ZZZ3: variants seen among roughly 807,000 people sequenced by gnomAD.
ZZZ3 encodes ZZ-type zinc finger-containing protein 3.
In ZZZ3, 22 loss-of-function variants were observed where a neutral mutation model predicts 95.2. That is an observed-to-expected ratio of 0.23 (90% CI 0.17 to 0.33). The LOEUF (loss-of-function observed/expected upper bound fraction) is 0.33, where lower values mean the gene tolerates loss of function less well. ZZZ3 is among the 10% of genes least tolerant of loss of function. The pLI, the probability that ZZZ3 is intolerant of heterozygous loss-of-function variation, is 1.00. For synonymous variants in ZZZ3, 335 were observed against 358.9 expected (o/e 0.93, Z 0.75); for missense variants, 885 against 1,066.5 (o/e 0.83, Z 2.37).
chr1:77,674,951 C>CA (rs538347422), intron 1 of ZZZ3, among the ~76,000 whole-genome samples: 7,203 of 73,352 alleles, frequency 0.098, 202 homozygotes, highest in Middle Eastern at 0.24. Flanking sequence ...GACTCGGTCT[C>CA]AAAAAAAAAA....
chr1:77,608,230 C>A (rs1354360445), intron 5 of ZZZ3, among the ~76,000 whole-genome samples: 4 of 152,072 alleles, frequency 2.6e-5, no homozygotes, highest in African/African-American at 9.7e-5. Flanking sequence ...TCCCAAAGGT[C>A]AAGGATAAAG....
chr1:77,588,321 C>T (rs1003480752), intron 5 of ZZZ3, among the ~76,000 whole-genome samples: 3 of 152,054 alleles, frequency 2.0e-5, no homozygotes, highest in Admixed American at 2.0e-4. Context: ...AGTAACTCCC[C>T]AAGATCATAC....
chr1:77,654,873 T>C (rs1670131657), intron 1 of ZZZ3, among the ~76,000 whole-genome samples: 1 of 152,190 alleles, frequency 6.6e-6, no homozygotes, highest in South Asian at 2.1e-4. Flanking sequence ...GGTCTCGAAC[T>C]CCTGTACTCA....
chr1:77,675,368 G>A (rs550184043), intron 1 of ZZZ3, among the ~76,000 whole-genome samples: 1 of 151,978 alleles, frequency 6.6e-6, no homozygotes, highest in South Asian at 2.1e-4. Context: ...AGTAAGGAGG[G>A]TAAATAGTGC....
intron 5 of ZZZ3, among the ~76,000 whole-genome samples, chr1:77,588,522 A>G (rs780246726): frequency 2.7e-4 from 41 of 152,314 alleles, no homozygotes; most frequent in Non-Finnish European, 4.6e-4. Context: ...TGATAAAGAC[A>G]CAATATGAAG....
chr1:77,633,686 G>C (rs1668034720), intron 4 of ZZZ3, among the ~76,000 whole-genome samples: 1 of 151,986 alleles, frequency 6.6e-6, no homozygotes, highest in South Asian at 2.1e-4. Flanking sequence ...ACTCAGATAG[G>C]TGCTACTATC....
At chr1:77,646,273 G>A (rs556280137) in intron 1 of ZZZ3, among the ~76,000 whole-genome samples, 28 of 151,754 alleles carry the variant, frequency 1.8e-4, no homozygotes, top group African/African-American at 3.6e-4. Context: ...AGGCTGGAGC[G>A]TAGTGGCTCA....
intron 12 of ZZZ3, among the ~76,000 whole-genome samples, chr1:77,574,772 A>T (rs571165460): frequency 6.6e-6 from 1 of 152,368 alleles, no homozygotes; most frequent in South Asian, 2.1e-4. Flanking sequence ...AGGCAGTAAC[A>T]TCAATGAATT....
intron 5 of ZZZ3, among the ~76,000 whole-genome samples, chr1:77,596,982 C>T (rs867208000): frequency 1.3e-5 from 2 of 152,024 alleles, no homozygotes; most frequent in African/African-American, 2.4e-5. Context: ...ATAAAAGCAA[C>T]AATAAACACA....
chr1:77,573,021 T>G (rs774080906), intron 12 of ZZZ3, among the ~76,000 whole-genome samples: 4 of 152,128 alleles, frequency 2.6e-5, no homozygotes, highest in African/African-American at 4.8e-5. Flanking sequence ...AGTACCATCT[T>G]CACTGTCACC....
At chr1:77,656,649 C>A (rs765429565) in intron 1 of ZZZ3, among the ~76,000 whole-genome samples, 2 of 152,150 alleles carry the variant, frequency 1.3e-5, no homozygotes, top group African/African-American at 4.8e-5. Context: ...GCTCTAAATT[C>A]TTGAATTTGT....
intron 1 of ZZZ3, among the ~76,000 whole-genome samples, chr1:77,653,137 C>T (rs2100974862): frequency 6.6e-6 from 1 of 151,982 alleles, no homozygotes; most frequent in East Asian, 1.9e-4. Flanking sequence ...CAGTGAGCCA[C>T]GATTGTGCCA....
chr1:77,683,040 C>A (rs1218485036), upstream of ZZZ3, among the ~76,000 whole-genome samples: 2 of 146,098 alleles, frequency 1.4e-5, no homozygotes, highest in Admixed American at 6.7e-5. Flanking sequence ...CCCCGCCCCC[C>A]CTTTCGCCCG....
chr1:77,670,479 G>A (rs972241743), intron 1 of ZZZ3, among the ~76,000 whole-genome samples: 1 of 151,900 alleles, frequency 6.6e-6, no homozygotes. Context: ...GGCTGGTCTC[G>A]AACTCCTGAC....
Position 77,660,903 on chromosome 1 carries a change from C to A in ZZZ3, c.-402-19248G>T, listed in dbSNP as rs375833043. On this transcript the variant is annotated intron_variant, in intron 1 of 14. Transcript: ENST00000370801. Reference sequence around the variant, plus strand: ...CAGAAATAGTTGATCTAAAAAGAATCACACATTTATGAACACACAATAAAC... The same window carrying A: ...CAGAAATAGTTGATCTAAAAAGAATAACACATTTATGAACACACAATAAAC... 2.1e-4 allele frequency among the ~76,000 whole-genome samples: 32 copies of A among 152,238 alleles called. No individual in the cohort carries two copies. The East Asian group carries it at 3.7e-3, about 17-fold the overall frequency.
chr1:77,598,713 C>T (rs992982057), intron 5 of ZZZ3, among the ~76,000 whole-genome samples: 1 of 152,114 alleles, frequency 6.6e-6, no homozygotes, highest in Admixed American at 6.6e-5. Flanking sequence ...CGGAACTCAA[C>T]AATTTGTAAA....
chr1:77,682,919 C>T (rs945829234), upstream of ZZZ3, among the ~76,000 whole-genome samples: 2 of 152,196 alleles, frequency 1.3e-5, no homozygotes, highest in African/African-American at 4.8e-5. Context: ...ATAAACAGAG[C>T]GCAGTGCGCT....
chr1:77,581,313 T>TA (rs1280670477), intron 8 of ZZZ3, among the ~76,000 whole-genome samples: 2 of 152,140 alleles, frequency 1.3e-5, no homozygotes, highest in African/African-American at 2.4e-5. Flanking sequence ...CTTCATTTTT[T>TA]AAAAAAGGGA....
Position 77,580,994 on chromosome 1 carries a change from T to C in ZZZ3, c.1980+4A>G. On this transcript the variant is annotated splice_donor_region_variant and intron_variant, in intron 9 of 14. Transcript: ENST00000370801. ...AGCCTACACGATTTTGAAATATTTA[T>C]TACCTGTTCTTCAACAGTCCACAAC... 6.2e-7 allele frequency: 1 copy of C among 1,612,800 alleles called. No individual in the cohort carries two copies. Among genetic ancestry groups the C allele is most frequent in the Non-Finnish European group, 8.5e-7 (1 of 1,178,784 alleles).
Sources: allele counts gnomAD v4.1 joint callset (sites outside exome capture counted in the v4.1 genomes callset), GRCh38; gene constraint gnomAD v4.1.1; transcripts MANE v1.5; gene names NCBI Gene and HGNC (gene_info 2026-07-23, HGNC 2026-07-21).